RASSF9: variants seen among roughly 807,000 people sequenced by gnomAD.
The protein encoded by RASSF9 is Ras association domain family member 9, also known as ras association domain-containing protein 9.
RASSF9 carries 18 observed loss-of-function variants against 21.4 expected under a neutral mutation model. The observed-to-expected ratio is 0.84, with a 90% CI of 0.58 to 1.25. The LOEUF (loss-of-function observed/expected upper bound fraction) is 1.25, where lower values mean the gene tolerates loss of function less well. Ranked by LOEUF, RASSF9 falls within the 50% of genes most tolerant of loss-of-function variation. The pLI is 0.00. For synonymous variants in RASSF9, 183 were observed against 179.1 expected (o/e 1.02, Z -0.18); for missense variants, 480 against 503.2 (o/e 0.95, Z 0.44).
Position 85,836,347 on chromosome 12 carries a change from C to T in RASSF9, c.-146G>A, listed in dbSNP as rs917400838. ...TCCTGGCTTTCAGCTCATTAGTAGC[C>T]GGCTGAGAAAGTTGCTGGAAGTTGT... On this transcript the variant is annotated 5_prime_UTR_variant, in exon 1 of 2. Transcript: ENST00000361228. 1 of 1,476,918 alleles carries T rather than the reference C, an allele frequency of 6.8e-7. No homozygotes were observed. Among genetic ancestry groups the T allele is most frequent in the Non-Finnish European group, 9.0e-7 (1 of 1,110,500 alleles). 91.5% of individuals were successfully genotyped at this position (1,476,918 alleles called of 1,614,324 possible). A position where few individuals can be genotyped will look rare whatever the true frequency, so the allele number is the denominator to read the frequency against.
chr12:85,815,084 G>A (rs1173929897), intron 1 of RASSF9, among the ~76,000 whole-genome samples: 1 of 151,808 alleles, frequency 6.6e-6, no homozygotes, highest in Non-Finnish European at 1.5e-5. Context: ...GGCACTCAAA[G>A]GTTAAGGAAA....
At chr12:85,815,128 A>G (rs567895375) in intron 1 of RASSF9, among the ~76,000 whole-genome samples, 1 of 152,154 alleles carries the variant, frequency 6.6e-6, no homozygotes, top group East Asian at 1.9e-4. Flanking sequence ...AGTCTTTACA[A>G]GGTGAAAGGG....
intron 1 of RASSF9, among the ~76,000 whole-genome samples, chr12:85,818,618 G>A (rs1880131222): frequency 6.6e-6 from 1 of 152,134 alleles, no homozygotes; most frequent in African/African-American, 2.4e-5. Context: ...TTGCAATCCA[G>A]TGGCTCATCA....
At chr12:85,834,172 T>G (rs1420171422) in intron 1 of RASSF9, among the ~76,000 whole-genome samples, 4 of 152,052 alleles carry the variant, frequency 2.6e-5, no homozygotes, top group Non-Finnish European at 5.9e-5. Context: ...AGACCACTGC[T>G]GTGGTTTAAA....
intron 1 of RASSF9, among the ~76,000 whole-genome samples, chr12:85,820,761 T>C (rs1454943529): frequency 6.6e-6 from 1 of 152,224 alleles, no homozygotes; most frequent in Admixed American, 6.5e-5. Flanking sequence ...AGGACACCTT[T>C]GAGTGTCTTC....
intron 1 of RASSF9, among the ~76,000 whole-genome samples, chr12:85,832,661 G>A (rs1211744567): frequency 2.0e-5 from 3 of 151,764 alleles, no homozygotes; most frequent in South Asian, 4.1e-4. Context: ...GTTCCCTAGC[G>A]ACTTTTAGAA....
At chr12:85,807,657 A>G (rs1373502606) in intron 1 of RASSF9, among the ~76,000 whole-genome samples, 4 of 152,028 alleles carry the variant, frequency 2.6e-5, no homozygotes, top group African/African-American at 7.2e-5. Context: ...AGAGGCACAC[A>G]CATGTATTTA....
At position 85,830,536 on chromosome 12, in the gene RASSF9, C is replaced by T. The variant is rs192965113; in HGVS notation, c.47+5619G>A. Among the ~76,000 whole-genome samples the T allele has an allele frequency of 1.4e-3, 209 of 152,192 alleles. 1 individual carries two copies. Among genetic ancestry groups the T allele is most frequent in the Non-Finnish European group, 1.3e-3 (85 of 67,972 alleles). The stretch of plus-strand genomic sequence containing the variant: ...GGAAGGAAAAATACAAGCAAGGTCC[C>T]TGCTCTGATTGGACCTATACTCAAT... On this transcript the variant is annotated intron_variant, in intron 1 of 1. Coordinates refer to ENST00000361228, the MANE Select transcript of RASSF9 (RefSeq NM_005447.4).
rs1879715861 is a variant in RASSF9 at position 85,801,987 on chromosome 12, C to G, written c.*2715G>C. Reference sequence around the variant, plus strand: ...GGAACAAACGTATATCATAGAAGAGCTAGCACATTAAAAAGACTGTGGAAA... The same window carrying G: ...GGAACAAACGTATATCATAGAAGAGGTAGCACATTAAAAAGACTGTGGAAA... On this transcript the variant is annotated 3_prime_UTR_variant, in exon 2 of 2. Coordinates refer to ENST00000361228, the MANE Select transcript of RASSF9 (RefSeq NM_005447.4). The G allele has an allele frequency of 6.6e-6, 1 of 152,106 alleles. No individual in the cohort carries two copies. Among genetic ancestry groups the G allele is most frequent in the Non-Finnish European group, 1.5e-5 (1 of 68,030 alleles). The allele number at this position is 152,106 out of a possible 1,614,324, so 9.4% of individuals were successfully genotyped here. A position where few individuals can be genotyped will look rare whatever the true frequency, so the allele number is the denominator to read the frequency against.
In RASSF9 at chr12:85,801,008, A is replaced by G. The variant is rs1879686570; in HGVS notation, c.*3694T>C. On this transcript the variant is annotated 3_prime_UTR_variant, in exon 2 of 2. Transcript: ENST00000361228. ...ATTTTAATGGATTAGAATAGCTTCT[A>G]CACACTAATGAGGTGTTGTTATTTT... 1 of 152,018 alleles carries G rather than the reference A, an allele frequency of 6.6e-6. No homozygotes were observed. Among genetic ancestry groups the G allele is most frequent in the Admixed American group, 6.5e-5 (1 of 15,272 alleles). 9.4% of individuals were successfully genotyped at this position (152,018 alleles called of 1,614,324 possible).
chr12:85,802,315 T>C lies in RASSF9; in HGVS notation c.*2387A>G, dbSNP rs1879721906. 6.6e-6 allele frequency: 1 copy of C among 152,208 alleles called. No homozygotes were observed. Among genetic ancestry groups the C allele is most frequent in the Admixed American group, 6.5e-5 (1 of 15,282 alleles). 9.4% of individuals were successfully genotyped at this position (152,208 alleles called of 1,614,324 possible). On this transcript the variant is annotated 3_prime_UTR_variant, in exon 2 of 2. Coordinates refer to ENST00000361228, the MANE Select transcript of RASSF9 (RefSeq NM_005447.4). ...CATGAGGGCATTGTATTTCAGTACT[T>C]CTATTTGTGTTAATATATTAACATG... is the stretch of plus-strand genomic sequence containing the variant.
intron 1 of RASSF9, among the ~76,000 whole-genome samples, chr12:85,832,194 T>G (rs1173153697): frequency 1.3e-5 from 2 of 151,898 alleles, no homozygotes; most frequent in Non-Finnish European, 2.9e-5. Context: ...GATTCAATAT[T>G]TTTATATTCA....
chr12:85,834,462 G>T (rs900577186), intron 1 of RASSF9, among the ~76,000 whole-genome samples: 1 of 152,094 alleles, frequency 6.6e-6, no homozygotes, highest in Non-Finnish European at 1.5e-5. Context: ...TATAGGTAGA[G>T]TAGATAGTAG....
Position 85,805,055 on chromosome 12 carries a change from T to G in RASSF9, c.955A>C (p.Lys319Gln). 3 of 1,613,998 alleles carry G rather than the reference T, an allele frequency of 1.9e-6. No individual in the cohort carries two copies. Among genetic ancestry groups the G allele is most frequent in the Non-Finnish European group, 2.5e-6 (3 of 1,179,880 alleles). Residue 319 changes from lysine to glutamine, a missense_variant, in exon 2 of 2, where the codon AAG (lysine) becomes CAG (glutamine). Transcript: ENST00000361228. Reference sequence around the variant, plus strand: ...TTCATGCTTTTCTCCAAATCACACTTAACACTCTCTAAATTAGAGCTTTCC... The same window carrying G: ...TTCATGCTTTTCTCCAAATCACACTGAACACTCTCTAAATTAGAGCTTTCC... ...ELESSNLESV[K>Q]CDLEKSMKAG... is the part of the protein sequence containing the mutation.
Position 85,836,149 on chromosome 12 carries a change from CT to C in RASSF9, c.47+5del. 2.6e-6 allele frequency: 4 copies of C among 1,544,334 alleles called. No homozygotes were observed. Among genetic ancestry groups the C allele is most frequent in the Non-Finnish European group, 3.5e-6 (4 of 1,143,358 alleles). ...CACACACACTTACTCACACGCTTGA[CT>C]TTACCTGTTTTTATGCCGAGTCTTT... On this transcript the variant is annotated splice_donor_5th_base_variant and intron_variant, in intron 1 of 1. Coordinates refer to ENST00000361228, the MANE Select transcript of RASSF9 (RefSeq NM_005447.4).
At chr12:85,826,447 A>ATTTTTTTT (rs560187497) in intron 1 of RASSF9, among the ~76,000 whole-genome samples, 18 of 130,658 alleles carry the variant, frequency 1.4e-4, no homozygotes, top group African/African-American at 5.3e-4. Flanking sequence ...TCCTTCCAAT[A>ATTTTTTTT]TTTTTTTTTT....
At chr12:85,820,272 C>T (rs968764824) in intron 1 of RASSF9, among the ~76,000 whole-genome samples, 1 of 152,126 alleles carries the variant, frequency 6.6e-6, no homozygotes, top group African/African-American at 2.4e-5. Context: ...TTTCATGCTG[C>T]AATGATGGAG....
chr12:85,811,363 G>A (rs1879949222), intron 1 of RASSF9, among the ~76,000 whole-genome samples: 1 of 151,816 alleles, frequency 6.6e-6, no homozygotes, highest in African/African-American at 2.4e-5. Context: ...CTGGAAGGGA[G>A]TAACCAACTG....
chr12:85,835,705 T>C (rs1880544938), intron 1 of RASSF9, among the ~76,000 whole-genome samples: 1 of 152,226 alleles, frequency 6.6e-6, no homozygotes, highest in Non-Finnish European at 1.5e-5. Flanking sequence ...TTATTTTTCA[T>C]CCTACTTAGT....
Sources: gnomAD v4.1 joint callset for allele counts (sites outside exome capture counted in the v4.1 genomes callset) on GRCh38, gnomAD v4.1.1 for gene constraint, MANE v1.5 for transcripts, NCBI Gene and HGNC (gene_info 2026-07-23, HGNC 2026-07-21) for gene names.